ATP2B2: variants seen among roughly 807,000 people sequenced by gnomAD.
ATP2B2 encodes ATPase plasma membrane Ca2+ transporting 2, also known as plasma membrane calcium-transporting ATPase 2.
A neutral mutation model predicts 120.0 loss-of-function variants in ATP2B2; 15 were observed. The ratio of observed to expected loss-of-function variants is 0.12; its 90% confidence interval spans 0.08 to 0.19. The LOEUF (loss-of-function observed/expected upper bound fraction) is 0.19, where lower values mean the gene tolerates loss of function less well. ATP2B2 is among the 10% of genes least tolerant of loss of function. ATP2B2 has a pLI of 1.00. For synonymous variants in ATP2B2, 694 were observed against 700.3 expected, an observed-to-expected ratio of 0.99 and a Z score of 0.14; for missense variants, 1,045 against 1,719.8, an observed-to-expected ratio of 0.61 and a Z score of 6.94.
intron 1 of ATP2B2, among the ~76,000 whole-genome samples, chr3:10,640,037 G>A (rs1356671451): frequency 6.6e-6 from 1 of 152,158 alleles, no homozygotes; most frequent in African/African-American, 2.4e-5. Flanking sequence ...CTTTTCCCAG[G>A]AGACCTTTTA....
chr3:10,440,369 A>G (rs1281244977), intron 2 of ATP2B2, among the ~76,000 whole-genome samples: 2 of 152,186 alleles, frequency 1.3e-5, no homozygotes, highest in African/African-American at 4.8e-5. Context: ...CCCATTTCAC[A>G]CTCACAGGGA....
At chr3:10,401,775 G>A (rs1203821057) in intron 4 of ATP2B2, among the ~76,000 whole-genome samples, 2 of 152,254 alleles carry the variant, frequency 1.3e-5, no homozygotes, top group Admixed American at 1.3e-4. Flanking sequence ...GGAGTGCTGT[G>A]CTGAGAAGGC....
chr3:10,409,957 G>A (rs1255800139), intron 3 of ATP2B2, among the ~76,000 whole-genome samples: 4 of 152,044 alleles, frequency 2.6e-5, no homozygotes, highest in Non-Finnish European at 5.9e-5. Flanking sequence ...TGTCAGGGTC[G>A]CCCTCACCTG....
intron 2 of ATP2B2, among the ~76,000 whole-genome samples, chr3:10,600,583 G>C (rs2068881976): frequency 6.6e-6 from 1 of 152,216 alleles, no homozygotes; most frequent in African/African-American, 2.4e-5. Context: ...ACAGGCATTG[G>C]CCGTGGATTT....
intron 1 of ATP2B2, among the ~76,000 whole-genome samples, chr3:10,480,227 C>T (rs1046934355): frequency 6.6e-6 from 1 of 152,194 alleles, no homozygotes; most frequent in Admixed American, 6.5e-5. Flanking sequence ...AATGCCCAGG[C>T]AGGCCCTCTC....
At chr3:10,363,999 A>C (rs2060973181) in intron 12 of ATP2B2, among the ~76,000 whole-genome samples, 1 of 152,246 alleles carries the variant, frequency 6.6e-6, no homozygotes, top group Admixed American at 6.5e-5. Context: ...CAACAGATGA[A>C]TGGATAAACA....
chr3:10,704,466 C>T (rs2071867605), intron 1 of ATP2B2, among the ~76,000 whole-genome samples: 1 of 152,146 alleles, frequency 6.6e-6, no homozygotes, highest in African/African-American at 2.4e-5. Flanking sequence ...AACGTGTAGC[C>T]CCCTGTTCAA....
chr3:10,453,735 C>T (rs938850763), intron 1 of ATP2B2, among the ~76,000 whole-genome samples: 3 of 152,158 alleles, frequency 2.0e-5, no homozygotes, highest in South Asian at 2.1e-4. Flanking sequence ...CTATGAGAAT[C>T]GTTAGCAGCA....
chr3:10,482,211 A>T lies in ATP2B2; in HGVS notation c.-320+23254T>A, dbSNP rs530921204. Among the ~76,000 whole-genome samples the T allele has an allele frequency of 1.8e-3, 278 of 152,286 alleles. 2 individuals are homozygous for T. Among genetic ancestry groups the T allele is most frequent in the African/African-American group, 6.3e-3 (263 of 41,548 alleles). On this transcript the variant is annotated intron_variant, in intron 1 of 22. Coordinates refer to ENST00000360273, the MANE Select transcript of ATP2B2 (RefSeq NM_001001331.4). ...ACGTGCTCTGTCTCATGGCATCCTC[A>T]TAGCCAGCCTGGGGGTGGGCTTTAC...
intron 1 of ATP2B2, among the ~76,000 whole-genome samples, chr3:10,479,580 G>A (rs571038341): frequency 1.3e-5 from 2 of 151,878 alleles, no homozygotes; most frequent in African/African-American, 4.8e-5. Flanking sequence ...CACCTCCTAG[G>A]CCCAGACTCT....
intron 2 of ATP2B2, among the ~76,000 whole-genome samples, chr3:10,431,384 C>A (rs764849335): frequency 6.6e-6 from 1 of 152,136 alleles, no homozygotes. Flanking sequence ...CCATTGCCAC[C>A]CCACCTTTAG....
At chr3:10,372,206 T>C (rs2061264168) in intron 11 of ATP2B2, among the ~76,000 whole-genome samples, 155 bp from the exon 12 acceptor site, 1 of 152,244 alleles carries the variant, frequency 6.6e-6, no homozygotes, top group Non-Finnish European at 1.5e-5. Context: ...TGGTTGCTGC[T>C]GCCTCCTATA....
chr3:10,691,946 T>G (rs1414456356), intron 1 of ATP2B2, among the ~76,000 whole-genome samples: 1 of 152,234 alleles, frequency 6.6e-6, no homozygotes, highest in African/African-American at 2.4e-5. Context: ...TGCGATGGTC[T>G]GATCCCCACT....
chr3:10,467,015 T>G (rs73119417), intron 1 of ATP2B2, among the ~76,000 whole-genome samples: 1,851 of 152,252 alleles, frequency 0.012, 49 homozygotes, highest in African/African-American at 0.042. Flanking sequence ...TCCACCTTCT[T>G]CTCTTTTTGG....
intron 2 of ATP2B2, among the ~76,000 whole-genome samples, chr3:10,552,281 G>C (rs1052223597): frequency 6.6e-6 from 1 of 152,228 alleles, no homozygotes; most frequent in African/African-American, 2.4e-5. Flanking sequence ...AGGGGAAGAG[G>C]GGGCCCTTCT....
chr3:10,353,863 C>A lies in ATP2B2; in HGVS notation c.2137-3286G>T, dbSNP rs562243141. On this transcript the variant is annotated intron_variant, in intron 14 of 22. Transcript: ENST00000360273. ...GGTCTCACATGAGCCCTGGTTTCCT[C>A]ATCTGTAAAATGGGTACAATAGTAT... Among the ~76,000 whole-genome samples the A allele has an allele frequency of 2.6e-5, 4 of 152,284 alleles. No individual in the cohort carries two copies. The South Asian group carries it at 8.3e-4, about 32-fold the overall frequency.
chr3:10,542,472 TA>T (rs1164058415), intron 2 of ATP2B2, among the ~76,000 whole-genome samples: 1 of 152,210 alleles, frequency 6.6e-6, no homozygotes, highest in Admixed American at 6.5e-5. Context: ...GAATTCTTTT[TA>T]AAAAATTGTC....
chr3:10,654,710 G>A (rs1288412345), intron 1 of ATP2B2, among the ~76,000 whole-genome samples: 1 of 151,826 alleles, frequency 6.6e-6, no homozygotes, highest in Non-Finnish European at 1.5e-5. Context: ...TGTGTGGTGT[G>A]CAGGGTTTTG....
intron 11 of ATP2B2, among the ~76,000 whole-genome samples, chr3:10,372,293 T>G (rs1575045913): frequency 6.6e-6 from 1 of 152,354 alleles, no homozygotes; most frequent in Non-Finnish European, 1.5e-5. Context: ...CTCAGTTAAT[T>G]GAATTTATTA....
Sources: gnomAD v4.1 joint callset for allele counts (sites outside exome capture counted in the v4.1 genomes callset) on GRCh38, gnomAD v4.1.1 for gene constraint, MANE v1.5 for transcripts, NCBI Gene and HGNC (gene_info 2026-07-23, HGNC 2026-07-21) for gene names.